PFAS: variants seen among roughly 807,000 people sequenced by gnomAD.
PFAS encodes phosphoribosylformylglycinamidine synthase, also known as FGAM synthase.
PFAS carries 97 observed loss-of-function variants against 140.6 expected under a neutral mutation model. That is an observed-to-expected ratio of 0.69 (90% CI 0.59 to 0.82). The LOEUF (loss-of-function observed/expected upper bound fraction) is 0.82, where lower values mean the gene tolerates loss of function less well. Ranked by LOEUF, PFAS falls within the 40% of genes least tolerant of loss-of-function variation. The pLI, the probability that PFAS is intolerant of heterozygous loss-of-function variation, is 0.00. For missense variants in PFAS, 1,656 were observed against 1,780.2 expected, an observed-to-expected ratio of 0.93 and a Z score of 1.26; for synonymous variants, 679 against 718.8, an observed-to-expected ratio of 0.94 and a Z score of 0.88.
At position 8,269,054 on chromosome 17, in the gene PFAS, G is replaced by A. The variant is rs145594178; in HGVS notation, c.3807G>A (p.Gln1269=). ...WADDDGNPTE[Q]YPLNPNGSPG... ...ATGATGACGGGAACCCCACAGAGCAGTACCCTCTGAATCCCAATGGGTCCC... is the reference window on the plus strand; with the variant it reads ...ATGATGACGGGAACCCCACAGAGCAATACCCTCTGAATCCCAATGGGTCCC... The change falls in exon 28 of 28, where the codon CAG becomes CAA. Residue 1269 remains glutamine (Q), a synonymous_variant. Transcript: ENST00000314666. The A allele has an allele frequency of 1.4e-5, 22 of 1,614,134 alleles. No individual in the cohort carries two copies. The highest frequency in any genetic ancestry group is 1.8e-5 in the Non-Finnish European group (21 of 1,179,968).
At position 8,266,323 on chromosome 17, in the gene PFAS, C is replaced by T. The variant is rs1410395704; in HGVS notation, c.2791C>T (p.Gln931Ter). ...EMAFAGNCGLQVDVPVPRVDV... is the reference protein window; with the variant it reads ...EMAFAGNCGL Reference sequence around the variant, plus strand: ...GGCCTTTGCTGGAAATTGCGGGCTACAGGTGGATGTGCCTGTCCCCAGGGT... The same window carrying T: ...GGCCTTTGCTGGAAATTGCGGGCTATAGGTGGATGTGCCTGTCCCCAGGGT... The change falls in exon 22 of 28, where the codon CAG (glutamine) becomes TAG (stop). Residue 931 changes from glutamine to a stop codon, truncating the protein, a stop_gained. Transcript: ENST00000314666. LOFTEE classifies it high-confidence loss of function. This position sits in a 1 kb window ranked among gnomAD's most constrained non-coding sequence, Gnocchi z 5.0. 2 of 1,614,094 alleles carry T rather than the reference C, an allele frequency of 1.2e-6. No individual in the cohort carries two copies. The highest frequency in any genetic ancestry group is 2.2e-5 in the South Asian group (2 of 91,080).
rs750728367 is a variant in PFAS, at chr17:8,256,614, T to G, written c.912T>G (p.Val304=). ...AGCAACAGCAAGGGCTGAGACATGT[T>G]GTCTTCACAGCAGAGACTCACAACT... ...RFQQQQGLRH[V]VFTAETHNFP... Residue 304 remains valine (V), a synonymous_variant, in exon 8 of 28, where the codon GTT becomes GTG. Transcript: ENST00000314666. 6.2e-7 allele frequency: 1 copy of G among 1,614,144 alleles called. No homozygotes were observed. Among genetic ancestry groups the G allele is most frequent in the Non-Finnish European group, 8.5e-7 (1 of 1,180,020 alleles).
rs1320438677 is a variant in PFAS at position 8,265,842 on chromosome 17, A to ACCCCTCC, written c.2546-17_2546-11dup. The ACCCCTCC allele has an allele frequency of 6.3e-7, 1 of 1,580,658 alleles. No individual in the cohort carries two copies. The highest frequency in any genetic ancestry group is 8.6e-7 in the Non-Finnish European group (1 of 1,160,412). ...CCTCCTGAGCTGTTCCCCTCCCCTC[A>ACCCCTCC]CCCCTCCCCGTCTCCCCAGGCCATC... On this transcript the variant is annotated intron_variant, in intron 20 of 27. Transcript: ENST00000314666.
chr17:8,261,289 T>G (rs1597423412), intron 11 of PFAS, among the ~76,000 whole-genome samples: 1 of 151,468 alleles, frequency 6.6e-6, no homozygotes, highest in Non-Finnish European at 1.5e-5. Flanking sequence ...CAGGCTGGAG[T>G]GCAATGGCGC....
chr17:8,250,705 T>G (rs1252903834), intron 1 of PFAS, among the ~76,000 whole-genome samples: 1 of 152,172 alleles, frequency 6.6e-6, no homozygotes, highest in African/African-American at 2.4e-5. Flanking sequence ...TGTTGCCTGA[T>G]GCACACTGGA....
rs1989834051 is a variant in PFAS, at chr17:8,266,836, C to T, written c.2905C>T (p.Arg969Trp). Reference protein sequence around the residue: ...PDLAQVLKRYRDAGLHCLELG... With the variant: ...PDLAQVLKRYWDAGLHCLELG... ...CCTGGCCCAGGTGCTGAAGCGTTAC[C>T]GGGATGCTGGCCTCCATTGCCTGGA... Residue 969 changes from arginine to tryptophan, a missense_variant, in exon 23 of 28, where the codon CGG becomes TGG. Coordinates refer to ENST00000314666, the MANE Select transcript of PFAS (RefSeq NM_012393.3). This position sits in a 1 kb window ranked among gnomAD's most constrained non-coding sequence, Gnocchi z 5.0. The T allele has an allele frequency of 3.1e-6, 5 of 1,610,950 alleles. No homozygotes were observed. Among genetic ancestry groups the T allele is most frequent in the Non-Finnish European group, 4.2e-6 (5 of 1,179,852 alleles).
At chr17:8,250,973 T>A (rs537558024) in intron 1 of PFAS, among the ~76,000 whole-genome samples, 66 of 152,040 alleles carry the variant, frequency 4.3e-4, no homozygotes, top group African/African-American at 1.5e-3. Context: ...GTCTTTTTTT[T>A]TTTTTATTTT....
At chr17:8,263,695 C>G in intron 14 of PFAS, 59 bp downstream of exon 14, 1 of 1,603,362 alleles carries the variant, frequency 6.2e-7, no homozygotes, top group Non-Finnish European at 8.5e-7. Context: ...CAGCCCGCTT[C>G]CACCCATCTC....
chr17:8,263,503 G>A, intron 13 of PFAS, 72 bp from the exon 14 acceptor site: 1 of 1,323,238 alleles, frequency 7.6e-7, no homozygotes, highest in Non-Finnish European at 1.1e-6. Context: ...AGGCCCCTTT[G>A]GAGGCCAGGG....
intron 11 of PFAS, among the ~76,000 whole-genome samples, chr17:8,262,195 A>G (rs74436934): frequency 2.0e-3 from 302 of 152,230 alleles, no homozygotes; most frequent in African/African-American, 6.9e-3. Flanking sequence ...TTACTTCATT[A>G]CATTCCTATA....
At chr17:8,256,236 T>C in intron 6 of PFAS, 31 bp from the exon 7 acceptor site, 1 of 1,607,380 alleles carries the variant, frequency 6.2e-7, no homozygotes, top group Non-Finnish European at 8.5e-7. Context: ...CGTTTCCACC[T>C]GCCTTCCCCT....
chr17:8,267,221 T>A lies in PFAS; in HGVS notation c.3161T>A (p.Val1054Glu), dbSNP rs1310795683. The change falls in exon 24 of 28, where the codon GTG becomes GAG. Residue 1054 changes from valine to glutamate, a missense_variant. Transcript: ENST00000314666. This position sits in a 1 kb window ranked among gnomAD's most constrained non-coding sequence, Gnocchi z 4.9. ...CLPPTFPKAS[V>E]PREPGGPSPR... The stretch of plus-strand genomic sequence containing the variant: ...CCCCCCACCTTTCCCAAAGCCTCCG[T>A]GCCCCGTGAGCCTGGTGAGGGAGTG... 1 of 1,609,104 alleles carries A rather than the reference T, an allele frequency of 6.2e-7. No individual in the cohort carries two copies. Among genetic ancestry groups the A allele is most frequent in the Admixed American group, 1.7e-5 (1 of 59,328 alleles).
rs756963014 is a variant in PFAS at position 8,264,525 on chromosome 17, G to A, written c.1973G>A (p.Gly658Glu). 6.2e-7 allele frequency: 1 copy of A among 1,613,708 alleles called. No homozygotes were observed. Residue 658 changes from glycine to glutamate, a missense_variant, in exon 17 of 28, where the codon GGG becomes GAG. Coordinates refer to ENST00000314666, the MANE Select transcript of PFAS (RefSeq NM_012393.3). Reference protein sequence around the residue: ...PMLQPLALPPGLSVHQALERV... With the variant: ...PMLQPLALPPELSVHQALERV... Reference sequence around the variant, plus strand: ...CTGCAGCCTCTGGCCTTGCCCCCAGGGCTGAGCGTGCACCAGGCTCTGGAG... The same window carrying A: ...CTGCAGCCTCTGGCCTTGCCCCCAGAGCTGAGCGTGCACCAGGCTCTGGAG...
Position 8,268,735 on chromosome 17 carries a change from C to G in PFAS, c.3585C>G (p.Arg1195=). ...SQPARPGLLL[R]HNLSGRYESR... ...CAGCCCGGCCAGGCCTTCTGCTACG[C>G]CACAACCTGTCTGGGCGCTACGAGT... Residue 1195 remains arginine, a synonymous_variant, in exon 27 of 28, where the codon CGC becomes CGG. Transcript: ENST00000314666. 6.2e-7 allele frequency: 1 copy of G among 1,613,048 alleles called. No homozygotes were observed. The highest frequency in any genetic ancestry group is 8.5e-7 in the Non-Finnish European group (1 of 1,179,924).
At chr17:8,255,455 ATTC>A (rs749954987) in intron 4 of PFAS, 44 bp from the exon 5 acceptor site, 134 of 1,384,840 alleles carry the variant, frequency 9.7e-5, no homozygotes, top group Middle Eastern at 9.3e-4. Context: ...ATTTCTCTCC[ATTC>A]TTAAACTCTT....
At chr17:8,265,729 C>G (rs1432775270) in intron 20 of PFAS, 90 bp downstream of exon 20, 10 of 1,385,756 alleles carry the variant, frequency 7.2e-6, no homozygotes, top group Non-Finnish European at 1.0e-5. Flanking sequence ...CATCTCAACA[C>G]TGGGCTGTGG....
rs751317854 is a variant in PFAS, at chr17:8,263,789, C to G, written c.1644C>G (p.Thr548=). Residue 548 remains threonine, a synonymous_variant, in exon 15 of 28, where the codon ACC becomes ACG. Transcript: ENST00000314666. Reference sequence around the variant, plus strand: ...TGGCTGTGCAGCTTGGGGACCCAACCCTGAATGCCCTGGAAATCTGGGGGG... The same window carrying G: ...TGGCTGTGCAGCTTGGGGACCCAACGCTGAATGCCCTGGAAATCTGGGGGG... The part of the protein sequence containing the change: ...YTSRFQLGDP[T]LNALEIWGAE... 27 of 1,613,922 alleles carry G rather than the reference C, an allele frequency of 1.7e-5. No homozygotes were observed. The highest frequency in any genetic ancestry group is 2.2e-5 in the Non-Finnish European group (26 of 1,179,868).
intron 11 of PFAS, among the ~76,000 whole-genome samples, chr17:8,262,203 A>G (rs575981352): frequency 6.1e-4 from 93 of 151,998 alleles, no homozygotes; most frequent in African/African-American, 2.2e-3. Flanking sequence ...TTACATTCCT[A>G]TATTCTCTTT....
intron 1 of PFAS, among the ~76,000 whole-genome samples, chr17:8,251,019 C>T (rs961016387): frequency 3.3e-5 from 5 of 151,018 alleles, no homozygotes; most frequent in Admixed American, 2.6e-4. Flanking sequence ...CTGGCGCAGT[C>T]GCTCACGCCT....
Sources: allele counts gnomAD v4.1 joint callset (sites outside exome capture counted in the v4.1 genomes callset), GRCh38; gene constraint gnomAD v4.1.1; non-coding constraint Gnocchi (gnomAD v3.1); transcripts MANE v1.5; gene names NCBI Gene and HGNC (gene_info 2026-07-23, HGNC 2026-07-21).